Variants in MMP16 observed in about 807,000 individuals in gnomAD.
MMP16 encodes matrix metallopeptidase 16.
A neutral mutation model predicts 67.8 loss-of-function variants in MMP16; 12 were observed. The ratio of observed to expected loss-of-function variants is 0.18; its 90% CI spans 0.11 to 0.29. MMP16 has a LOEUF of 0.29. MMP16 is among the 10% of genes least tolerant of loss of function. The pLI is 1.00. For synonymous variants in MMP16, 249 were observed against 255.9 expected (o/e 0.97, Z 0.26); for missense variants, 475 against 765.7 (o/e 0.62, Z 4.48).
At chr8:88,128,105 A>C (rs1323633495) in intron 4 of MMP16, among the ~76,000 whole-genome samples, 2 of 151,872 alleles carry the variant, frequency 1.3e-5, no homozygotes, top group Non-Finnish European at 2.9e-5. Flanking sequence ...CTTTACCTGC[A>C]TGCTGCGGAG....
At chr8:88,176,663 G>A (rs1237778070) in intron 3 of MMP16, among the ~76,000 whole-genome samples, 1 of 152,144 alleles carries the variant, frequency 6.6e-6, no homozygotes, top group Non-Finnish European at 1.5e-5. Flanking sequence ...TAATTTTGTA[G>A]ATGAGATAGT....
rs756384715 is a variant in MMP16, at chr8:88,327,044, G to A, written c.132+31C>T. ...TGTTTCAGGGAGCAGCCCAGGCAGC[G>A]GGGGGAGGAAGAAAGCCCTCGCACT... On this transcript the variant is annotated intron_variant, in intron 1 of 9. Transcript: ENST00000286614. The A allele has an allele frequency of 5.6e-6, 9 of 1,611,450 alleles. No homozygotes were observed. The Admixed American group carries it at 1.5e-4, about 27-fold the overall frequency.
Position 88,032,103 on chromosome 8 carries a change from T to C in MMP16, c.*9358A>G, listed in dbSNP as rs145425855. The C allele has an allele frequency of 1.3e-5, 2 of 152,288 alleles. No individual in the cohort carries two copies. The highest frequency in any genetic ancestry group is 2.4e-5 in the African/African-American group (1 of 41,574). The allele number at this position is 152,288 out of a possible 1,614,324, so 9.4% of individuals were successfully genotyped here. A position where few individuals can be genotyped will look rare whatever the true frequency, so the allele number is the denominator to read the frequency against. ...GAAGATGCAATAGTATAAAAAGCCA[T>C]TTAACCCTTCCCTAGGTTAAGACAC... On this transcript the variant is annotated 3_prime_UTR_variant, in exon 10 of 10. Transcript: ENST00000286614.
chr8:88,064,000 C>T (rs1808433479), intron 7 of MMP16, among the ~76,000 whole-genome samples: 1 of 152,052 alleles, frequency 6.6e-6, no homozygotes, highest in Non-Finnish European at 1.5e-5. Context: ...ACTATTCATA[C>T]ATTTATATTT....
intron 1 of MMP16, among the ~76,000 whole-genome samples, chr8:88,316,503 G>A (rs1317724621): frequency 1.3e-5 from 2 of 152,110 alleles, no homozygotes; most frequent in Admixed American, 1.3e-4. Flanking sequence ...GAACAACAAA[G>A]CTTGGATGAC....
chr8:88,173,600 G>A (rs1808840349), intron 3 of MMP16, among the ~76,000 whole-genome samples: 1 of 152,100 alleles, frequency 6.6e-6, no homozygotes, highest in Admixed American at 6.6e-5. Flanking sequence ...AAAAGGGAAA[G>A]CAGACAATTG....
intron 1 of MMP16, among the ~76,000 whole-genome samples, chr8:88,259,253 C>T (rs1810350636): frequency 6.6e-6 from 1 of 152,070 alleles, no homozygotes; most frequent in Non-Finnish European, 1.5e-5. Context: ...GCCAAAGTCA[C>T]AACTTTAGAA....
chr8:88,264,255 AG>A (rs1346590926), intron 1 of MMP16, among the ~76,000 whole-genome samples: 1 of 152,174 alleles, frequency 6.6e-6, no homozygotes, highest in Non-Finnish European at 1.5e-5. Flanking sequence ...ACTGAAGTAC[AG>A]TGGCACAGTC....
At chr8:88,148,523 C>T (rs1041783894) in intron 4 of MMP16, among the ~76,000 whole-genome samples, 2 of 152,132 alleles carry the variant, frequency 1.3e-5, no homozygotes, top group African/African-American at 2.4e-5. Context: ...TTGTCCACAT[C>T]CAAGTGCAGT....
intron 7 of MMP16, among the ~76,000 whole-genome samples, chr8:88,071,280 A>G (rs560049276): frequency 6.6e-6 from 1 of 152,152 alleles, no homozygotes; most frequent in Non-Finnish European, 1.5e-5. Flanking sequence ...ACATTCATTT[A>G]TACATATAGT....
rs182225592 is a variant in MMP16, at chr8:88,056,275, T to C, written c.1226A>G (p.Asn409Ser). ...SDGNFVFFKG[N>S]KYWVFKDTTL... ...TGTATCCTTGAACACCCAATATTTG[T>C]TACCTGTATGGAATAAGTGTAAATG... Residue 409 changes from asparagine to serine, a missense_variant, in exon 8 of 10, where the codon AAC (asparagine) becomes AGC (serine). Coordinates refer to ENST00000286614, the MANE Select transcript of MMP16 (RefSeq NM_005941.5). 65 of 1,536,954 alleles carry C rather than the reference T, an allele frequency of 4.2e-5. 1 individual carries two copies. The Admixed American group carries it at 9.2e-4, about 22-fold the overall frequency.
Position 88,167,990 on chromosome 8 carries a change from A to G in MMP16, c.405-17T>C. 1 of 1,580,586 alleles carries G rather than the reference A, an allele frequency of 6.3e-7. No individual in the cohort carries two copies. On this transcript the variant is annotated splice_polypyrimidine_tract_variant and intron_variant, in intron 3 of 9. Transcript: ENST00000286614. The stretch of plus-strand genomic sequence containing the variant: ...TTCTTTATACTGAAAGTTAGAAAAT[A>G]TAATCATCAGTATTGTTATGTATAA...
chr8:88,130,616 T>C (rs1256190705), intron 4 of MMP16, among the ~76,000 whole-genome samples: 1 of 151,806 alleles, frequency 6.6e-6, no homozygotes, highest in African/African-American at 2.4e-5. Context: ...AAACAAATAT[T>C]TGAAAGGCCT....
chr8:88,090,551 G>C (rs1244783329), intron 6 of MMP16, among the ~76,000 whole-genome samples: 1 of 151,840 alleles, frequency 6.6e-6, no homozygotes, highest in Non-Finnish European at 1.5e-5. Context: ...AAATGAGTGA[G>C]TTGGTAATAC....
chr8:88,284,885 T>A (rs1344758047), intron 1 of MMP16, among the ~76,000 whole-genome samples: 2 of 151,748 alleles, frequency 1.3e-5, no homozygotes, highest in African/African-American at 4.8e-5. Flanking sequence ...CCCCCTAGTG[T>A]CGTCTAGCCT....
chr8:88,080,925 G>T (rs1808739427), intron 6 of MMP16, among the ~76,000 whole-genome samples: 1 of 152,168 alleles, frequency 6.6e-6, no homozygotes, highest in African/African-American at 2.4e-5. Flanking sequence ...GGCAGAGAAA[G>T]AAATGGTGGT....
intron 1 of MMP16, among the ~76,000 whole-genome samples, chr8:88,241,082 T>C (rs1260991567): frequency 1.4e-5 from 2 of 141,632 alleles, no homozygotes; most frequent in East Asian, 4.0e-4. Context: ...TTTTGTTTTG[T>C]TTTTTTTTTT....
chr8:88,292,041 C>G lies in MMP16; in HGVS notation c.132+35034G>C, dbSNP rs145257468. On this transcript the variant is annotated intron_variant, in intron 1 of 9. Coordinates refer to ENST00000286614, the MANE Select transcript of MMP16 (RefSeq NM_005941.5). The stretch of plus-strand genomic sequence containing the variant: ...GAGGAGATATTATTTTAAGTTAGAT[C>G]AGCTTGGATACAAAGTCCATTCTTA... 6.3e-3 allele frequency among the ~76,000 whole-genome samples: 952 copies of G among 152,212 alleles called. 6 individuals are homozygous for G. The highest frequency in any genetic ancestry group is 0.022 in the African/African-American group (904 of 41,532).
At chr8:88,141,607 G>C (rs2118502524) in intron 4 of MMP16, among the ~76,000 whole-genome samples, 1 of 152,254 alleles carries the variant, frequency 6.6e-6, no homozygotes, top group South Asian at 2.1e-4. Flanking sequence ...CTACTTAATA[G>C]AGGTACAGTG....
Sources: gnomAD v4.1 joint callset for allele counts (sites outside exome capture counted in the v4.1 genomes callset) on GRCh38, gnomAD v4.1.1 for gene constraint, MANE v1.5 for transcripts, NCBI Gene and HGNC (gene_info 2026-07-23, HGNC 2026-07-21) for gene names.